SYT1: variants seen among roughly 807,000 people sequenced by gnomAD.
The protein encoded by SYT1 is synaptotagmin 1, also known as synaptotagmin-1.
A neutral mutation model predicts 44.8 loss-of-function variants in SYT1; 8 were observed. The ratio of observed to expected loss-of-function variants is 0.18; its 90% CI spans 0.10 to 0.32. The LOEUF (loss-of-function observed/expected upper bound fraction) is 0.32, where lower values mean the gene tolerates loss of function less well. Ranked by LOEUF, SYT1 falls within the 10% of genes least tolerant of loss-of-function variation. The pLI, the probability that SYT1 is intolerant of heterozygous loss-of-function variation, is 1.00. For synonymous variants in SYT1, 154 were observed against 188.8 expected (o/e 0.82, Z 1.51); for missense variants, 286 against 509.3 (o/e 0.56, Z 4.22).
Position 78,933,264 on chromosome 12 carries a change from G to C in SYT1, c.-216-44535G>C, listed in dbSNP as rs1034984055. 2.2e-3 allele frequency among the ~76,000 whole-genome samples: 338 copies of C among 152,200 alleles called. 15 individuals carry two copies. The highest frequency in any genetic ancestry group is 0.022 in the Admixed American group (336 of 15,280). ...TTGACCTCAGTGTATCAACTTCTGT[G>C]AGCCTGTCTTGTCTAAAATGAATTT... On this transcript the variant is annotated intron_variant, in intron 1 of 10. Coordinates refer to ENST00000261205, the MANE Select transcript of SYT1 (RefSeq NM_005639.3).
chr12:79,013,998 C>T (rs1193001395), intron 2 of SYT1, among the ~76,000 whole-genome samples: 3 of 141,822 alleles, frequency 2.1e-5, no homozygotes, highest in East Asian at 2.1e-4. Context: ...TGGTGGTGGG[C>T]GCCTGTAGTC....
intron 3 of SYT1, among the ~76,000 whole-genome samples, chr12:79,086,067 T>A (rs1328145756): frequency 6.6e-6 from 1 of 152,120 alleles, no homozygotes; most frequent in Non-Finnish European, 1.5e-5. Context: ...TTACTAACCT[T>A]ACAGGATTAT....
intron 3 of SYT1, among the ~76,000 whole-genome samples, chr12:79,177,916 GT>G (rs1294585091): frequency 1.4e-4 from 20 of 142,334 alleles, no homozygotes; most frequent in African/African-American, 5.4e-4. Context: ...TTGTAAATTT[GT>G]TTGAGTTCAT....
intron 3 of SYT1, among the ~76,000 whole-genome samples, chr12:79,133,240 C>G (rs1412294335): frequency 1.3e-5 from 2 of 151,990 alleles, no homozygotes; most frequent in East Asian, 3.9e-4. Context: ...AGAAGAGGGT[C>G]AGGTGCAGTG....
chr12:78,907,644 T>G (rs1028224603), intron 1 of SYT1, among the ~76,000 whole-genome samples: 3 of 151,994 alleles, frequency 2.0e-5, no homozygotes, highest in Non-Finnish European at 4.4e-5. Flanking sequence ...CTGATGAAAG[T>G]ATCCGAAGAT....
At chr12:79,360,899 TG>T (rs1311631726) in intron 9 of SYT1, among the ~76,000 whole-genome samples, 7 of 152,168 alleles carry the variant, frequency 4.6e-5, no homozygotes, top group African/African-American at 1.7e-4. Context: ...CGGTACAAGT[TG>T]GGACCCAGGC....
intron 1 of SYT1, among the ~76,000 whole-genome samples, chr12:78,870,222 T>C (rs1873748606): frequency 6.6e-6 from 1 of 152,076 alleles, no homozygotes; most frequent in Non-Finnish European, 1.5e-5. Flanking sequence ...GCTACGGCAA[T>C]CATAAATACT....
chr12:79,313,022 A>G (rs529089883), intron 8 of SYT1, among the ~76,000 whole-genome samples: 68 of 152,342 alleles, frequency 4.5e-4, no homozygotes, highest in African/African-American at 1.6e-3. Flanking sequence ...TGAAAAGCTG[A>G]GGAAGAAACT....
intron 3 of SYT1, among the ~76,000 whole-genome samples, chr12:79,134,365 G>C (rs759632635): frequency 6.6e-6 from 1 of 152,156 alleles, no homozygotes; most frequent in African/African-American, 2.4e-5. Context: ...AAATTACAAG[G>C]TAAAAGCTGA....
intron 2 of SYT1, chr12:79,046,301 G>A (rs2137761673): frequency 6.6e-6 from 1 of 152,282 alleles, no homozygotes; most frequent in East Asian, 1.9e-4. Context: ...AAATATTTTT[G>A]TAATTCTGTT....
chr12:79,125,667 A>G (rs1449542148), intron 3 of SYT1, among the ~76,000 whole-genome samples: 2 of 151,926 alleles, frequency 1.3e-5, no homozygotes, highest in Non-Finnish European at 2.9e-5. Flanking sequence ...CAGAGTTCTC[A>G]GCATATTTAC....
intron 1 of SYT1, among the ~76,000 whole-genome samples, chr12:78,957,204 C>G (rs954960006): frequency 2.6e-5 from 4 of 152,124 alleles, no homozygotes; most frequent in Admixed American, 1.3e-4. Flanking sequence ...CACAGTGGCT[C>G]ATGCCTGAAA....
intron 4 of SYT1, among the ~76,000 whole-genome samples, chr12:79,246,284 C>T (rs537637223): frequency 7.2e-5 from 11 of 152,250 alleles, no homozygotes; most frequent in African/African-American, 1.2e-4. Flanking sequence ...CTTTTATTCA[C>T]GTTGCCTCTC....
intron 3 of SYT1, among the ~76,000 whole-genome samples, chr12:79,173,481 T>G (rs998854723): frequency 4.6e-5 from 7 of 152,054 alleles, no homozygotes; most frequent in African/African-American, 1.7e-4. Context: ...TTTTCCCCTT[T>G]AGTGCATGCA....
At chr12:79,217,389 T>TTTAC in intron 3 of SYT1, 114 bp from the exon 4 acceptor site, 1 of 847,784 alleles carries the variant, frequency 1.2e-6, no homozygotes, top group Non-Finnish European at 1.7e-6. Flanking sequence ...TGATGGACTA[T>TTTAC]TTACCCAGTG....
intron 9 of SYT1, 112 bp downstream of exon 9, chr12:79,353,731 C>T: frequency 1.2e-6 from 1 of 801,948 alleles, no homozygotes; most frequent in South Asian, 1.5e-5. Context: ...AGTTCTCTTT[C>T]CTATGGAGCC....
intron 1 of SYT1, among the ~76,000 whole-genome samples, chr12:78,890,589 C>A (rs959400553): frequency 2.0e-5 from 3 of 151,568 alleles, no homozygotes; most frequent in Non-Finnish European, 4.4e-5. Context: ...GTTCAGGATG[C>A]TCTCCTCCCT....
chr12:79,424,708 T>C (rs528862104), intron 9 of SYT1, among the ~76,000 whole-genome samples: 448 of 152,184 alleles, frequency 2.9e-3, no homozygotes, highest in Non-Finnish European at 5.6e-3. Flanking sequence ...AAACACACTA[T>C]GACTACTTGA....
intron 3 of SYT1, among the ~76,000 whole-genome samples, chr12:79,087,958 C>G (rs952748101): frequency 6.6e-6 from 1 of 152,000 alleles, no homozygotes; most frequent in Admixed American, 6.6e-5. Flanking sequence ...AGAACTGGCC[C>G]TTAGGGTACA....
Sources: gnomAD v4.1 joint callset for allele counts (sites outside exome capture counted in the v4.1 genomes callset) on GRCh38, gnomAD v4.1.1 for gene constraint, MANE v1.5 for transcripts, NCBI Gene and HGNC (gene_info 2026-07-23, HGNC 2026-07-21) for gene names.